The following PCDHGA3 variants were observed in gnomAD, a reference collection of about 807,000 sequenced individuals.
The protein encoded by PCDHGA3 is protocadherin gamma-A3.
PCDHGA3 carries 40 observed loss-of-function variants against 58.5 expected under a neutral mutation model. The observed-to-expected ratio is 0.68, with a 90% confidence interval of 0.53 to 0.89. The LOEUF is 0.89. PCDHGA3 is among the 40% of genes least tolerant of loss of function. The pLI is 0.00. For synonymous variants in PCDHGA3, 530 were observed against 525.7 expected, an observed-to-expected ratio of 1.01 and a Z score of -0.11; for missense variants, 1,223 against 1,195.9, an observed-to-expected ratio of 1.02 and a Z score of -0.33.
intron 1 of PCDHGA3, chr5:141,372,199 C>T: frequency 9.3e-6 from 15 of 1,613,572 alleles, no homozygotes; most frequent in Non-Finnish European, 1.3e-5. Flanking sequence ...GGATACAACG[C>T]CTGGCTGTCC....
At chr5:141,499,397 T>A (rs1171838687) in intron 2 of PCDHGA3, among the ~76,000 whole-genome samples, 2 of 152,122 alleles carry the variant, frequency 1.3e-5, no homozygotes, top group African/African-American at 4.8e-5. Flanking sequence ...AAATAGTACA[T>A]GCTCATTATA....
At chr5:141,465,880 TG>T (rs2154569018) in intron 1 of PCDHGA3, among the ~76,000 whole-genome samples, 1 of 152,096 alleles carries the variant, frequency 6.6e-6, no homozygotes, top group East Asian at 1.9e-4. Context: ...CCCAGCACTT[TG>T]GGAGGCCGAG....
Position 141,345,651 on chromosome 5 carries a change from C to T in PCDHGA3, c.1618C>T (p.Pro540Ser), listed in dbSNP as rs202221760. ...GGTGACAGCCAGCGACAGCGGGAAC[C>T]CTCCACTCAGCAGCAACGTGTCGCT... is the stretch of plus-strand genomic sequence containing the variant. ...LLVTASDSGN[P>S]PLSSNVSLNL... Residue 540 changes from proline (P) to serine (S), a missense_variant, in exon 1 of 4, where the codon CCT becomes TCT. Transcript: ENST00000253812. 1.7e-5 allele frequency: 27 copies of T among 1,614,094 alleles called. No individual in the cohort carries two copies. The African/African-American group carries it at 3.5e-4, about 21-fold the overall frequency.
At chr5:141,398,483 T>A (rs754131866) in intron 1 of PCDHGA3, 1 of 1,608,486 alleles carries the variant, frequency 6.2e-7, no homozygotes, top group Non-Finnish European at 8.5e-7. Flanking sequence ...TTTTATCACG[T>A]GAATGTGGAG....
At chr5:141,503,916 C>T (rs1372491893) in intron 2 of PCDHGA3, among the ~76,000 whole-genome samples, 1 of 152,246 alleles carries the variant, frequency 6.6e-6, no homozygotes, top group African/African-American at 2.4e-5. Context: ...CAACGCAACA[C>T]ACACACAGAC....
intron 1 of PCDHGA3, chr5:141,365,598 C>G (rs772367194): frequency 1.2e-6 from 2 of 1,613,672 alleles, no homozygotes; most frequent in Non-Finnish European, 1.7e-6. Flanking sequence ...ATCACTTTAA[C>G]CGTCATGGAC....
chr5:141,375,719 G>C (rs1478749716), intron 1 of PCDHGA3: 1 of 1,614,262 alleles, frequency 6.2e-7, no homozygotes, highest in South Asian at 1.1e-5. Flanking sequence ...TAGCAGCAAC[G>C]TGTCACTGAG....
At chr5:141,376,281 C>G in intron 1 of PCDHGA3, 2 of 1,614,216 alleles carry the variant, frequency 1.2e-6, no homozygotes, top group Admixed American at 1.7e-5. Flanking sequence ...GGTGGCTTAG[C>G]GAGCATGCCC....
intron 1 of PCDHGA3, among the ~76,000 whole-genome samples, chr5:141,481,008 A>G (rs2099529606): frequency 6.6e-6 from 1 of 152,224 alleles, no homozygotes; most frequent in Non-Finnish European, 1.5e-5. Context: ...CAGTGAGCCC[A>G]GATCACACCA....
chr5:141,344,037 A>G lies in PCDHGA3; in HGVS notation c.4A>G (p.Thr2Ala). 6.5e-7 allele frequency: 1 copy of G among 1,548,442 alleles called. No homozygotes were observed. Among genetic ancestry groups the G allele is most frequent in the Non-Finnish European group, 8.7e-7 (1 of 1,148,690 alleles). M[T>A]NCLSFRNGRG... ...AAAGCGATTCACCGAAAAGGAAATGACCAATTGCCTGAGTTTCCGAAATGG... is the reference window on the plus strand; with the variant it reads ...AAAGCGATTCACCGAAAAGGAAATGGCCAATTGCCTGAGTTTCCGAAATGG... Residue 2 changes from threonine (T) to alanine (A), a missense_variant, in exon 1 of 4, where the codon ACC (threonine) becomes GCC (alanine). Thr to Ala is a moderately conservative substitution (Grantham distance 58, BLOSUM62 0). This residue lies in a region of PCDHGA3 where 791 missense variants were observed against 708.5 expected (regional missense o/e 1.12). Transcript: ENST00000253812.
In PCDHGA3 at chr5:141,345,528, G is replaced by A. The variant is rs1486016399; in HGVS notation, c.1495G>A (p.Ala499Thr). 3 of 1,614,012 alleles carry A rather than the reference G, an allele frequency of 1.9e-6. No individual in the cohort carries two copies. Among genetic ancestry groups the A allele is most frequent in the Non-Finnish European group, 1.7e-6 (2 of 1,180,012 alleles). The change falls in exon 1 of 4, where the codon GCG (alanine) becomes ACG (threonine). Residue 499 changes from alanine to threonine, a missense_variant. Around this residue, in one of 3 missense-constraint regions of PCDHGA3, gnomAD observed 791 missense variants for 708.5 expected, o/e 1.12. Coordinates refer to ENST00000253812, the MANE Select transcript of PCDHGA3 (RefSeq NM_018916.4). ...ATTGACCGAGGACACTCTCCAGGGG[G>A]CGCCCCTGTCCTCCTTCGTCTCTAT... ...YALTEDTLQG[A>T]PLSSFVSINS...
At chr5:141,441,744 G>A (rs913393900) in intron 1 of PCDHGA3, 7 of 366,408 alleles carry the variant, frequency 1.9e-5, no homozygotes, top group African/African-American at 1.1e-4. Context: ...GCTCGCGCTC[G>A]GCGTCAACGT....
In PCDHGA3 at chr5:141,477,088, C is replaced by G. The variant is rs1008530221; in HGVS notation, c.2425-17719C>G. On this transcript the variant is annotated intron_variant, in intron 1 of 3. Transcript: ENST00000253812. This position sits in a 1 kb window ranked among gnomAD's most constrained non-coding sequence, Gnocchi z 4.9. ...AACTCCATGAGATTTACATCCAGGC[C>G]AAAGACAAGGGCGCCAATCCCGAAG... The G allele has an allele frequency of 1.2e-6, 2 of 1,614,112 alleles. No individual in the cohort carries two copies. The highest frequency in any genetic ancestry group is 1.6e-4 in the Middle Eastern group (1 of 6,084).
chr5:141,355,330 G>GC, intron 1 of PCDHGA3: 1 of 1,614,036 alleles, frequency 6.2e-7, no homozygotes. Context: ...AGAAGGCTCA[G>GC]TGGTGGGCAA....
At chr5:141,388,611 A>T (rs773007125) in intron 1 of PCDHGA3, 13 of 1,613,850 alleles carry the variant, frequency 8.1e-6, no homozygotes, top group Non-Finnish European at 6.8e-6. Context: ...TCCAGTGTTC[A>T]GTCAAGACGT....
In PCDHGA3 at chr5:141,431,019, C is replaced by A. The variant is rs1368671750; in HGVS notation, c.2425-63788C>A. 1 of 1,613,488 alleles carries A rather than the reference C, an allele frequency of 6.2e-7. No individual in the cohort carries two copies. The highest frequency in any genetic ancestry group is 1.7e-5 in the Admixed American group (1 of 59,968). ...CCGCGCAGCGGCAGCTTGGTCACGG[C>A]GGGCAGGATAGACCGGGAGGAGCTC... On this transcript the variant is annotated intron_variant, in intron 1 of 3. Transcript: ENST00000253812. The surrounding 1 kb of genome is among the most constrained non-coding windows in gnomAD (Gnocchi z 4.8).
intron 1 of PCDHGA3, chr5:141,421,422 C>T (rs908483513): frequency 6.2e-7 from 1 of 1,614,086 alleles, no homozygotes; most frequent in Non-Finnish European, 8.5e-7. Flanking sequence ...AGCGCGGAGT[C>T]CGCATCGTCT....
intron 1 of PCDHGA3, chr5:141,408,220 G>T: frequency 6.4e-7 from 1 of 1,558,994 alleles, no homozygotes; most frequent in Admixed American, 1.9e-5. Flanking sequence ...GGAGCTGCGC[G>T]CAGAGGCGCC....
At chr5:141,400,883 A>G (rs1017003447) in intron 1 of PCDHGA3, among the ~76,000 whole-genome samples, 1 of 152,232 alleles carries the variant, frequency 6.6e-6, no homozygotes, top group Non-Finnish European at 1.5e-5. Flanking sequence ...AATTTAATGT[A>G]TGTAATCATT....
Sources: gnomAD v4.1 joint callset for allele counts (sites outside exome capture counted in the v4.1 genomes callset) on GRCh38, gnomAD v4.1.1 for gene constraint, gnomAD v4.1.1 regional missense constraint, Gnocchi (gnomAD v3.1) non-coding constraint, MANE v1.5 for transcripts, NCBI Gene and HGNC (gene_info 2026-07-23, HGNC 2026-07-21) for gene names.